The following HCN1 variants were observed in gnomAD, a reference collection of about 807,000 sequenced individuals.
The protein encoded by HCN1 is potassium/sodium hyperpolarization-activated cyclic nucleotide-gated channel 1.
Under a neutral mutation model 78.9 loss-of-function variants are expected in HCN1, and 13 were observed. The ratio of observed to expected loss-of-function variants is 0.16; its 90% CI spans 0.11 to 0.26. The LOEUF (loss-of-function observed/expected upper bound fraction) is 0.26, where lower values mean the gene tolerates loss of function less well. HCN1 is among the 10% of genes least tolerant of loss of function. The pLI, the probability that HCN1 is intolerant of heterozygous loss-of-function variation, is 1.00. For synonymous variants in HCN1, 552 were observed against 455.5 expected (o/e 1.21, Z -2.70); for missense variants, 810 against 1,154.3 (o/e 0.70, Z 4.32).
chr5:45,680,774 AG>A (rs1233555748), intron 1 of HCN1, among the ~76,000 whole-genome samples: 3 of 152,098 alleles, frequency 2.0e-5, no homozygotes, highest in Admixed American at 6.6e-5. Flanking sequence ...TTAATTAAAT[AG>A]GGTTGGTAAA....
chr5:45,319,255 C>T (rs1461082779), intron 5 of HCN1, among the ~76,000 whole-genome samples: 3 of 151,944 alleles, frequency 2.0e-5, no homozygotes, highest in Admixed American at 1.3e-4. Flanking sequence ...ACATACTTCA[C>T]TACAGTTGCT....
chr5:45,585,680 T>C (rs1368902492), intron 2 of HCN1, among the ~76,000 whole-genome samples: 1 of 152,170 alleles, frequency 6.6e-6, no homozygotes, highest in Non-Finnish European at 1.5e-5. Flanking sequence ...TCTTTCATGA[T>C]GGTGATGTAC....
intron 4 of HCN1, among the ~76,000 whole-genome samples, chr5:45,394,177 T>TA (rs1739639786): frequency 6.6e-6 from 1 of 152,138 alleles, no homozygotes; most frequent in South Asian, 2.1e-4. Context: ...TCTGACAACA[T>TA]GTAAATAGTC....
chr5:45,537,156 A>G (rs1186756731), intron 2 of HCN1, among the ~76,000 whole-genome samples: 2 of 152,156 alleles, frequency 1.3e-5, no homozygotes, highest in African/African-American at 2.4e-5. Flanking sequence ...TCAAGACTGT[A>G]ATAGGGTACT....
intron 3 of HCN1, among the ~76,000 whole-genome samples, chr5:45,398,364 T>C: frequency 6.6e-6 from 1 of 152,126 alleles, no homozygotes. Context: ...AATAGTTTCA[T>C]AGTCAGGAAA....
chr5:45,454,344 A>C (rs1012457157), intron 3 of HCN1, among the ~76,000 whole-genome samples: 3 of 152,060 alleles, frequency 2.0e-5, no homozygotes, highest in African/African-American at 7.2e-5. Flanking sequence ...GAGACAGGAC[A>C]GCAAAGGAGA....
chr5:45,559,674 G>A (rs1206134646), intron 2 of HCN1: 3 of 152,218 alleles, frequency 2.0e-5, no homozygotes, highest in African/African-American at 7.2e-5. Context: ...AAGATGCTGT[G>A]AACATTGTTG....
At chr5:45,466,751 T>C (rs1741278103) in intron 2 of HCN1, among the ~76,000 whole-genome samples, 1 of 152,162 alleles carries the variant, frequency 6.6e-6, no homozygotes, top group South Asian at 2.1e-4. Flanking sequence ...TCTGTGATTC[T>C]TGCCCTGAAA....
rs1452974391 is a variant in HCN1, at chr5:45,351,021, A to AC, written c.1377+2078dup. Among the ~76,000 whole-genome samples the AC allele has an allele frequency of 2.0e-5, 3 of 152,282 alleles. No homozygotes were observed. The East Asian group carries it at 5.8e-4, about 29-fold the overall frequency. ...GACTGTCTTCACAGAATTGGAAAAA[A>AC]CTACTTTAAAATACATATGGAACCA... On this transcript the variant is annotated intron_variant, in intron 5 of 7. Coordinates refer to ENST00000303230, the MANE Select transcript of HCN1 (RefSeq NM_021072.4).
In HCN1 at chr5:45,667,383, ATTCT is replaced by A. The variant is rs555303195; in HGVS notation, c.426-21779_426-21776del. Reference sequence around the variant, plus strand: ...AATCTATTAGTTTCCTATACTATTCATTCTTTGAGTAAAAATTATATATCAGACT... The same window carrying A: ...AATCTATTAGTTTCCTATACTATTCATTGAGTAAAAATTATATATCAGACT... On this transcript the variant is annotated intron_variant, in intron 1 of 7. Transcript: ENST00000303230. Among the ~76,000 whole-genome samples the A allele has an allele frequency of 4.6e-5, 7 of 152,136 alleles. No individual in the cohort carries two copies. In the South Asian group the frequency reaches 1.4e-3, roughly 32 times the overall value.
At chr5:45,422,156 C>T (rs1301408263) in intron 3 of HCN1, among the ~76,000 whole-genome samples, 3 of 152,160 alleles carry the variant, frequency 2.0e-5, no homozygotes, top group Non-Finnish European at 2.9e-5. Context: ...ACAAACAGGC[C>T]TTGCTAAGTT....
chr5:45,261,780 A>T lies in HCN1; in HGVS notation c.*141T>A. On this transcript the variant is annotated 3_prime_UTR_variant, in exon 8 of 8. Coordinates refer to ENST00000303230, the MANE Select transcript of HCN1 (RefSeq NM_021072.4). ...ATAGTATATGTATATATATTTTTAC[A>T]TTTCACGTGTAGGCCACAGCTGTCT... 4 of 998,428 alleles carry T rather than the reference A, an allele frequency of 4.0e-6. No homozygotes were observed. The highest frequency in any genetic ancestry group is 6.2e-6 in the Non-Finnish European group (4 of 647,274). The allele number at this position is 998,428 out of a possible 1,614,324, so 61.8% of individuals were successfully genotyped here.
intron 2 of HCN1, among the ~76,000 whole-genome samples, chr5:45,495,713 T>C (rs1046914144): frequency 1.3e-5 from 2 of 152,178 alleles, no homozygotes; most frequent in South Asian, 2.1e-4. Context: ...TTTTTGCCCA[T>C]TCACTATGAT....
At chr5:45,619,941 TG>T (rs1420580254) in intron 2 of HCN1, among the ~76,000 whole-genome samples, 6 of 152,052 alleles carry the variant, frequency 3.9e-5, no homozygotes, top group Non-Finnish European at 7.4e-5. Flanking sequence ...ATCTTTACAG[TG>T]GAGAAATCTG....
rs111233130 is a variant in HCN1 at position 45,352,831 on chromosome 5, A to C, written c.1377+269T>G. ...GAATGAGGGGGAGAAAAATGGGGAC[A>C]ATATAGACAATGAGGCCACAAGAAG... On this transcript the variant is annotated intron_variant, in intron 5 of 7. Coordinates refer to ENST00000303230, the MANE Select transcript of HCN1 (RefSeq NM_021072.4). 5.0e-3 allele frequency among the ~76,000 whole-genome samples: 766 copies of C among 152,170 alleles called. 7 individuals are homozygous for C. The highest frequency in any genetic ancestry group is 8.4e-3 in the Non-Finnish European group (574 of 67,992).
intron 5 of HCN1, among the ~76,000 whole-genome samples, chr5:45,320,871 T>A (rs945695408): frequency 2.0e-5 from 3 of 151,882 alleles, no homozygotes; most frequent in Non-Finnish European, 4.4e-5. Flanking sequence ...TTTCTATTCG[T>A]CACAGTTTTT....
intron 6 of HCN1, among the ~76,000 whole-genome samples, chr5:45,272,867 T>C (rs769558507): frequency 9.9e-5 from 15 of 152,064 alleles, no homozygotes; most frequent in Non-Finnish European, 1.8e-4. Context: ...TAAAATAAAA[T>C]TGGACTCCCA....
At chr5:45,360,567 C>T (rs1278638116) in intron 4 of HCN1, among the ~76,000 whole-genome samples, 2 of 151,936 alleles carry the variant, frequency 1.3e-5, no homozygotes. Flanking sequence ...ATTTTTGCAG[C>T]AAGATTGAAC....
chr5:45,329,517 C>T (rs1009158037), intron 5 of HCN1, among the ~76,000 whole-genome samples: 1 of 151,362 alleles, frequency 6.6e-6, no homozygotes, highest in Admixed American at 6.6e-5. Context: ...GCTCCACTCC[C>T]CTTTCTGTCT....
Sources: gnomAD v4.1 joint callset for allele counts (sites outside exome capture counted in the v4.1 genomes callset) on GRCh38, gnomAD v4.1.1 for gene constraint, MANE v1.5 for transcripts, NCBI Gene and HGNC (gene_info 2026-07-23, HGNC 2026-07-21) for gene names.